Variants in RAD51B observed in about 807,000 individuals in gnomAD.
RAD51B encodes DNA repair protein RAD51 homolog 2.
Under a neutral mutation model 42.2 loss-of-function variants are expected in RAD51B, and 38 were observed. The observed-to-expected ratio is 0.90, with a 90% confidence interval of 0.70 to 1.18. RAD51B has a LOEUF of 1.18. Among genes scored for constraint, RAD51B ranks in the 50% most tolerant of loss-of-function variants. RAD51B has a pLI of 0.00. For missense variants in RAD51B, 373 were observed against 400.7 expected (o/e 0.93, Z 0.59); for synonymous variants, 154 against 145.2 (o/e 1.06, Z -0.43).
chr14:68,244,887 G>A (rs2080463349), intron 7 of RAD51B, among the ~76,000 whole-genome samples: 1 of 152,124 alleles, frequency 6.6e-6, no homozygotes, highest in Non-Finnish European at 1.5e-5. Context: ...GCAAGGCACA[G>A]GTGTTGTCTT....
chr14:68,212,139 G>A (rs948937321), intron 7 of RAD51B, among the ~76,000 whole-genome samples: 1 of 152,180 alleles, frequency 6.6e-6, no homozygotes, highest in African/African-American at 2.4e-5. Context: ...TCAAATTTCT[G>A]TGCCTGCAAG....
intron 7 of RAD51B, among the ~76,000 whole-genome samples, chr14:67,902,926 T>G (rs764075860): frequency 3.4e-4 from 51 of 151,006 alleles, no homozygotes; most frequent in African/African-American, 1.1e-3. Context: ...CTCGGCTCAC[T>G]GTGACCTCCA....
chr14:68,442,097 A>G (rs938934969), intron 9 of RAD51B, among the ~76,000 whole-genome samples: 1 of 152,140 alleles, frequency 6.6e-6, no homozygotes, highest in Non-Finnish European at 1.5e-5. Context: ...TTGCTGGGCA[A>G]TTCTTAAAGA....
At chr14:67,884,552 C>A (rs1389449130) in intron 5 of RAD51B, among the ~76,000 whole-genome samples, 1 of 152,146 alleles carries the variant, frequency 6.6e-6, no homozygotes, top group Non-Finnish European at 1.5e-5. Flanking sequence ...AAAATTTACA[C>A]TTTTCCCCCA....
intron 7 of RAD51B, among the ~76,000 whole-genome samples, chr14:68,023,136 A>G (rs559443129): frequency 2.6e-5 from 4 of 152,222 alleles, no homozygotes; most frequent in South Asian, 2.1e-4. Context: ...ATTTGTCTTT[A>G]TGGTAGAATG....
intron 7 of RAD51B, among the ~76,000 whole-genome samples, chr14:68,194,111 C>T (rs1212504158): frequency 2.6e-5 from 4 of 152,196 alleles, no homozygotes; most frequent in Non-Finnish European, 4.4e-5. Context: ...AAAATCATCA[C>T]TTGAGGAACA....
At chr14:68,452,629 C>T (rs1053699292) in intron 9 of RAD51B, among the ~76,000 whole-genome samples, 5 of 152,174 alleles carry the variant, frequency 3.3e-5, no homozygotes, top group African/African-American at 7.2e-5. Context: ...TGAACTAACT[C>T]TTTAGCCTTT....
intron 5 of RAD51B, among the ~76,000 whole-genome samples, chr14:67,871,699 G>A (rs1420502445): frequency 1.3e-5 from 2 of 152,018 alleles, no homozygotes; most frequent in African/African-American, 2.4e-5. Flanking sequence ...TAAAATACTG[G>A]CAAACCGAAT....
chr14:68,449,016 C>T (rs1384558479), intron 9 of RAD51B, among the ~76,000 whole-genome samples: 1 of 152,090 alleles, frequency 6.6e-6, no homozygotes, highest in African/African-American at 2.4e-5. Flanking sequence ...ATATAAACTA[C>T]TTTAAAATTA....
chr14:68,616,414 T>C (rs1373790714), downstream of RAD51B, among the ~76,000 whole-genome samples: 1 of 152,236 alleles, frequency 6.6e-6, no homozygotes, highest in African/African-American at 2.4e-5. Flanking sequence ...TATTCCATTG[T>C]CTTCTGGCTT....
intron 7 of RAD51B, among the ~76,000 whole-genome samples, chr14:68,095,118 C>T (rs1048495671): frequency 1.3e-5 from 2 of 152,068 alleles, no homozygotes; most frequent in African/African-American, 4.8e-5. Context: ...AGTAATTTAT[C>T]ATAAGAGTTC....
At chr14:68,539,796 A>T (rs1887855324) in intron 10 of RAD51B, among the ~76,000 whole-genome samples, 1 of 152,184 alleles carries the variant, frequency 6.6e-6, no homozygotes, top group Non-Finnish European at 1.5e-5. Flanking sequence ...GGATAATGAG[A>T]ACTGATTTTC....
chr14:68,378,280 A>G (rs148352838), intron 8 of RAD51B, among the ~76,000 whole-genome samples: 17 of 152,286 alleles, frequency 1.1e-4, no homozygotes, highest in African/African-American at 3.8e-4. Context: ...CCTGTTTTCA[A>G]TCACTATATG....
chr14:68,421,733 T>C, intron 9 of RAD51B: 2 of 1,592,182 alleles, frequency 1.3e-6, no homozygotes, highest in East Asian at 2.2e-5. Flanking sequence ...ATGGTGATCT[T>C]CTTGCTGGTC....
intron 7 of RAD51B, among the ~76,000 whole-genome samples, chr14:68,127,162 T>C (rs928223436): frequency 1.3e-5 from 2 of 152,190 alleles, no homozygotes; most frequent in African/African-American, 2.4e-5. Flanking sequence ...CTATTTATCA[T>C]GGAAATCAGA....
rs917045582 is a variant in RAD51B at position 67,965,304 on chromosome 14, T to A, written c.756+78100T>A. Among the ~76,000 whole-genome samples, 176 of 152,296 alleles carry A rather than the reference T, an allele frequency of 1.2e-3. 1 individual carries two copies. The highest frequency in any genetic ancestry group is 2.4e-3 in the African/African-American group (99 of 41,566). On this transcript the variant is annotated intron_variant, in intron 7 of 10. Coordinates refer to ENST00000471583, the MANE Select transcript of RAD51B (RefSeq NM_133510.4). ...CTGTCAACAAGTCCTGTTTCTTCTA[T>A]CACTAAAATTGCTTTTTGACTTTGT...
At chr14:68,634,413 C>T (rs1303217080) in intron 10 of RAD51B, among the ~76,000 whole-genome samples, 1 of 152,150 alleles carries the variant, frequency 6.6e-6, no homozygotes, top group Non-Finnish European at 1.5e-5. Context: ...GCAAGAACGG[C>T]AATGCCAGAG....
chr14:68,673,714 A>G (rs1031495318), intron 11 of RAD51B, among the ~76,000 whole-genome samples: 1 of 152,098 alleles, frequency 6.6e-6, no homozygotes, highest in South Asian at 2.1e-4. Flanking sequence ...TACTGTACAC[A>G]CATCTATACA....
intron 7 of RAD51B, among the ~76,000 whole-genome samples, chr14:67,983,451 G>A (rs1272796819): frequency 6.6e-6 from 1 of 152,124 alleles, no homozygotes; most frequent in African/African-American, 2.4e-5. Flanking sequence ...AGCAAATAAT[G>A]AATTTATGCT....
Sources: allele counts gnomAD v4.1 joint callset (sites outside exome capture counted in the v4.1 genomes callset), GRCh38; gene constraint gnomAD v4.1.1; transcripts MANE v1.5; gene names NCBI Gene and HGNC (gene_info 2026-07-23, HGNC 2026-07-21).